SNTG1: variants seen among roughly 807,000 people sequenced by gnomAD.
SNTG1 encodes the protein syntrophin gamma 1, also known as gamma-1-syntrophin.
Under a neutral mutation model 74.7 loss-of-function variants are expected in SNTG1, and 39 were observed. The observed-to-expected ratio is 0.52, with a 90% CI of 0.40 to 0.68. The LOEUF is 0.68. SNTG1 is among the 30% of genes least tolerant of loss of function. The pLI is 0.00. For missense variants in SNTG1, 685 were observed against 609.5 expected, an observed-to-expected ratio of 1.12 and a Z score of -1.30; for synonymous variants, 254 against 217.1, an observed-to-expected ratio of 1.17 and a Z score of -1.49.
intron 2 of SNTG1, among the ~76,000 whole-genome samples, chr8:50,293,808 G>A (rs182611614): frequency 1.3e-5 from 2 of 152,112 alleles, no homozygotes; most frequent in East Asian, 1.9e-4. Context: ...ATAAAACTGT[G>A]TAGTATACAA....
intron 2 of SNTG1, among the ~76,000 whole-genome samples, chr8:50,381,398 T>C (rs1470201715): frequency 6.6e-6 from 1 of 151,382 alleles, no homozygotes; most frequent in Non-Finnish European, 1.5e-5. Flanking sequence ...AAATTTCATA[T>C]CTGAATAAGA....
chr8:50,400,931 T>C (rs757368008), intron 3 of SNTG1, among the ~76,000 whole-genome samples: 1 of 152,106 alleles, frequency 6.6e-6, no homozygotes, highest in African/African-American at 2.4e-5. Context: ...ATGTCACAAA[T>C]AGCTGGAAGA....
chr8:50,485,173 G>A (rs1404097198), intron 8 of SNTG1, among the ~76,000 whole-genome samples: 2 of 152,122 alleles, frequency 1.3e-5, no homozygotes, highest in African/African-American at 2.4e-5. Context: ...GTAGAACCTT[G>A]TGGAAAAACG....
intron 17 of SNTG1, among the ~76,000 whole-genome samples, chr8:50,717,829 C>T (rs1563777464): frequency 6.6e-6 from 1 of 152,194 alleles, no homozygotes; most frequent in African/African-American, 2.4e-5. Context: ...ATGAACATTT[C>T]TGCCCCTCAC....
intron 1 of SNTG1, among the ~76,000 whole-genome samples, chr8:50,036,119 AAATT>A (rs1818139935): frequency 1.3e-5 from 2 of 152,210 alleles, no homozygotes; most frequent in Non-Finnish European, 2.9e-5. Context: ...ATAAGAATAT[AAATT>A]AATTAGACTT....
chr8:50,358,152 A>T (rs2091869036), intron 2 of SNTG1, among the ~76,000 whole-genome samples: 1 of 152,154 alleles, frequency 6.6e-6, no homozygotes, highest in African/African-American at 2.4e-5. Context: ...GCTGGGAGCA[A>T]GGTTTCTCTC....
chr8:50,742,418 T>A (rs888202522), intron 17 of SNTG1, among the ~76,000 whole-genome samples: 1 of 151,710 alleles, frequency 6.6e-6, no homozygotes, highest in Non-Finnish European at 1.5e-5. Context: ...CTCCTAACTG[T>A]CAACTGGATA....
At chr8:50,711,290 C>A (rs978120876) in intron 17 of SNTG1, among the ~76,000 whole-genome samples, 5 of 152,038 alleles carry the variant, frequency 3.3e-5, no homozygotes, top group African/African-American at 4.8e-5. Flanking sequence ...TGAAAAATAT[C>A]TTTAAGACTA....
intron 12 of SNTG1, among the ~76,000 whole-genome samples, chr8:50,572,629 A>T (rs1279117129): frequency 1.3e-5 from 2 of 152,172 alleles, no homozygotes; most frequent in Admixed American, 1.3e-4. Flanking sequence ...AAAAGGGCAT[A>T]AAAGGAAAAA....
intron 4 of SNTG1, among the ~76,000 whole-genome samples, chr8:50,415,399 G>T (rs12544425): frequency 6.6e-6 from 1 of 151,982 alleles, no homozygotes; most frequent in African/African-American, 2.4e-5. Flanking sequence ...AAAGTGAAAT[G>T]GAATAGGTAA....
At chr8:50,353,324 C>A (rs1398480166) in intron 2 of SNTG1, among the ~76,000 whole-genome samples, 1 of 151,828 alleles carries the variant, frequency 6.6e-6, no homozygotes, top group African/African-American at 2.4e-5. Flanking sequence ...TTAATGGGTG[C>A]AGCACACCAA....
intron 12 of SNTG1, among the ~76,000 whole-genome samples, chr8:50,573,546 T>C (rs2094560576): frequency 6.6e-6 from 1 of 151,906 alleles, no homozygotes; most frequent in South Asian, 2.1e-4. Flanking sequence ...AAAGTGAATA[T>C]TATTCCTTTG....
chr8:50,042,813 A>G (rs10107848), intron 1 of SNTG1, among the ~76,000 whole-genome samples: 135,436 of 151,856 alleles, frequency 0.89, 60,553 homozygotes, highest in East Asian at 0.99. Context: ...GCCCAGGCTA[A>G]TCTAAATTAT....
chr8:50,210,206 C>T (rs978293706), intron 2 of SNTG1, among the ~76,000 whole-genome samples: 1 of 152,114 alleles, frequency 6.6e-6, no homozygotes, highest in African/African-American at 2.4e-5. Context: ...CAAACAAAGC[C>T]TCCAAGAAAT....
intron 13 of SNTG1, among the ~76,000 whole-genome samples, chr8:50,620,340 G>A (rs899626647): frequency 3.3e-5 from 5 of 151,970 alleles, no homozygotes; most frequent in Admixed American, 1.3e-4. Flanking sequence ...TTCCTCTCCC[G>A]CTGTGAAGGG....
intron 10 of SNTG1, among the ~76,000 whole-genome samples, chr8:50,532,982 T>A (rs976370764): frequency 1.3e-5 from 2 of 152,204 alleles, no homozygotes; most frequent in Admixed American, 6.5e-5. Flanking sequence ...TAAGGCAGCA[T>A]TTTAATTCTA....
chr8:50,049,154 C>T (rs1019436503), intron 1 of SNTG1, among the ~76,000 whole-genome samples: 8 of 151,962 alleles, frequency 5.3e-5, no homozygotes, highest in Non-Finnish European at 1.2e-4. Context: ...ATACGCTATA[C>T]ATTAAGTCAA....
intron 2 of SNTG1, among the ~76,000 whole-genome samples, chr8:50,216,695 C>T (rs922941249): frequency 9.2e-5 from 14 of 151,940 alleles, no homozygotes; most frequent in Non-Finnish European, 1.3e-4. Flanking sequence ...AACCATGGAT[C>T]GTGCTATTTG....
chr8:50,391,652 G>T (rs1248552961), intron 2 of SNTG1, among the ~76,000 whole-genome samples: 1 of 152,114 alleles, frequency 6.6e-6, no homozygotes, highest in African/African-American at 2.4e-5. Flanking sequence ...AATGGTACCA[G>T]CTCCTCTTTG....
Sources: gnomAD v4.1 joint callset for allele counts (sites outside exome capture counted in the v4.1 genomes callset) on GRCh38, gnomAD v4.1.1 for gene constraint, MANE v1.5 for transcripts, NCBI Gene and HGNC (gene_info 2026-07-23, HGNC 2026-07-21) for gene names.